Variants in ZDHHC14 observed in about 807,000 individuals in gnomAD.
ZDHHC14 encodes the protein palmitoyltransferase ZDHHC14.
ZDHHC14 carries 16 observed loss-of-function variants against 47.7 expected under a neutral mutation model. That is an observed-to-expected ratio of 0.34 (90% confidence interval 0.23 to 0.51). The LOEUF is 0.51. Among genes scored for constraint, ZDHHC14 ranks in the 20% least tolerant of loss-of-function variants. The pLI is 0.97. For synonymous variants in ZDHHC14, 293 were observed against 278.9 expected, an observed-to-expected ratio of 1.05 and a Z score of -0.50; for missense variants, 515 against 662.5, an observed-to-expected ratio of 0.78 and a Z score of 2.44.
chr6:157,647,268 T>C lies in ZDHHC14; in HGVS notation c.865T>C (p.Ser289Pro), dbSNP rs746400588. 2 of 1,613,456 alleles carry C rather than the reference T, an allele frequency of 1.2e-6. No individual in the cohort carries two copies. Among genetic ancestry groups the C allele is most frequent in the Non-Finnish European group, 1.7e-6 (2 of 1,179,432 alleles). Residue 289 changes from serine to proline, a missense_variant, in exon 7 of 9, where the codon TCC (serine) becomes CCC (proline). Physicochemically the swap from Ser to Pro is moderately conservative, Grantham distance 74 (BLOSUM62 -1). This residue lies in a region of ZDHHC14 where 229 missense variants were observed against 351.5 expected (regional missense o/e 0.65). Transcript: ENST00000359775. ...NQTTNEDIKG[S>P]WSNKRGKENY... ...TTTCCTTTTCTTTCAGATTAAAGGA[T>C]CCTGGTCAAATAAAAGAGGTAAAGA...
At chr6:157,497,799 T>C (rs1223323105) in intron 1 of ZDHHC14, among the ~76,000 whole-genome samples, 1 of 152,228 alleles carries the variant, frequency 6.6e-6, no homozygotes, top group Non-Finnish European at 1.5e-5. Context: ...TGCCCAATCA[T>C]ACTACTAAAG....
At chr6:157,639,347 C>G (rs1777136870) in intron 5 of ZDHHC14, among the ~76,000 whole-genome samples, 1 of 152,154 alleles carries the variant, frequency 6.6e-6, no homozygotes, top group Non-Finnish European at 1.5e-5. Flanking sequence ...CTCTTTTGCC[C>G]AGGCTGGAAT....
chr6:157,593,999 G>T (rs966519368), intron 3 of ZDHHC14, among the ~76,000 whole-genome samples: 1 of 152,182 alleles, frequency 6.6e-6, no homozygotes, highest in Non-Finnish European at 1.5e-5. Context: ...GTGACCAGGG[G>T]TATTCCTGGG....
At chr6:157,626,227 G>A (rs1420319085) in intron 3 of ZDHHC14, among the ~76,000 whole-genome samples, 1 of 152,130 alleles carries the variant, frequency 6.6e-6, no homozygotes, top group Non-Finnish European at 1.5e-5. Flanking sequence ...CCCACCGCAT[G>A]TGGGATTGAG....
intron 3 of ZDHHC14, among the ~76,000 whole-genome samples, chr6:157,597,706 C>G (rs1253788771): frequency 1.3e-5 from 2 of 152,226 alleles, no homozygotes; most frequent in African/African-American, 4.8e-5. Flanking sequence ...ACCTGAGATG[C>G]CACATCTGGA....
At position 157,673,384 on chromosome 6, in the gene ZDHHC14, A is replaced by T. The variant is rs534328064; in HGVS notation, c.*262A>T. 1.8e-4 allele frequency: 96 copies of T among 525,822 alleles called. No individual in the cohort carries two copies. The South Asian group carries it at 2.8e-3, about 15-fold the overall frequency. 32.6% of individuals were successfully genotyped at this position (525,822 alleles called of 1,614,324 possible). A position where few individuals can be genotyped will look rare whatever the true frequency, so the allele number is the denominator to read the frequency against. ...GAGAAGTGGCTGCTTTCTTTTGGTGACCCTCCAGGGGTGGAATCGGAGTGT... is the reference window on the plus strand; with the variant it reads ...GAGAAGTGGCTGCTTTCTTTTGGTGTCCCTCCAGGGGTGGAATCGGAGTGT... On this transcript the variant is annotated 3_prime_UTR_variant, in exon 9 of 9. Transcript: ENST00000359775. This position sits in a 1 kb window ranked among gnomAD's most constrained non-coding sequence, Gnocchi z 5.4.
At chr6:157,425,841 G>A (rs1778207097) in intron 1 of ZDHHC14, among the ~76,000 whole-genome samples, 2 of 152,150 alleles carry the variant, frequency 1.3e-5, no homozygotes, top group Admixed American at 1.3e-4. Context: ...AGAACGTGCT[G>A]TGCCCCTGCC....
rs576745524 is a variant in ZDHHC14 at position 157,423,820 on chromosome 6, C to T, written c.245+41554C>T. Among the ~76,000 whole-genome samples the T allele has an allele frequency of 2.6e-5, 4 of 152,302 alleles. No individual in the cohort carries two copies. The South Asian group carries it at 6.2e-4, about 24-fold the overall frequency. On this transcript the variant is annotated intron_variant, in intron 1 of 8. Transcript: ENST00000359775. The stretch of plus-strand genomic sequence containing the variant: ...CATCTGTGGATTTGGAGGATGGCAT[C>T]GTGTAGGAGCTCATTGGAAAAGCAG...
chr6:157,465,409 G>T (rs1476229431), intron 1 of ZDHHC14, among the ~76,000 whole-genome samples: 2 of 152,048 alleles, frequency 1.3e-5, no homozygotes, highest in Non-Finnish European at 2.9e-5. Flanking sequence ...GGGACAGAAA[G>T]TCCCTACTGA....
At chr6:157,452,259 T>TA (rs200858164) in intron 1 of ZDHHC14, among the ~76,000 whole-genome samples, 1 of 151,326 alleles carries the variant, frequency 6.6e-6, no homozygotes, top group African/African-American at 2.4e-5. Context: ...TTTTTTTTTT[T>TA]ATAACTAGAC....
intron 1 of ZDHHC14, among the ~76,000 whole-genome samples, chr6:157,484,525 C>T (rs1779731182): frequency 6.7e-6 from 1 of 148,838 alleles, no homozygotes; most frequent in Admixed American, 6.7e-5. Flanking sequence ...ATACGTACCC[C>T]TGAACCTTAA....
rs566850470 is a variant in ZDHHC14 at position 157,556,570 on chromosome 6, G to A, written c.406+13825G>A. On this transcript the variant is annotated intron_variant, in intron 2 of 8. Transcript: ENST00000359775. ...AGCTCCTGTCGCCAGCAGGCGGAAC[G>A]GGTCTCGAATCCAGGCAGTCAAACA... 7.2e-5 allele frequency among the ~76,000 whole-genome samples: 11 copies of A among 152,334 alleles called. No individual in the cohort carries two copies. In the South Asian group the frequency reaches 1.2e-3, roughly 17 times the overall value.
intron 1 of ZDHHC14, among the ~76,000 whole-genome samples, chr6:157,475,863 A>C (rs1044267994): frequency 2.0e-5 from 3 of 152,206 alleles, no homozygotes; most frequent in African/African-American, 7.2e-5. Context: ...TGAGTGGGTC[A>C]AAAAGAAATT....
At chr6:157,413,765 T>C (rs1777917600) in intron 1 of ZDHHC14, among the ~76,000 whole-genome samples, 1 of 152,096 alleles carries the variant, frequency 6.6e-6, no homozygotes, top group Non-Finnish European at 1.5e-5. Flanking sequence ...CTTTTCTTTC[T>C]CTGGAAAATG....
chr6:157,482,657 G>A (rs374219170), intron 1 of ZDHHC14, among the ~76,000 whole-genome samples: 183 of 152,206 alleles, frequency 1.2e-3, no homozygotes, highest in African/African-American at 4.2e-3. Context: ...AGCTTAATTG[G>A]TCTGAATTGT....
At chr6:157,549,024 G>C (rs559297272) in intron 2 of ZDHHC14, among the ~76,000 whole-genome samples, 101 of 152,326 alleles carry the variant, frequency 6.6e-4, no homozygotes, top group South Asian at 4.4e-3. Context: ...TGCTTGGGAG[G>C]AAAGGGGTTT....
intron 1 of ZDHHC14, among the ~76,000 whole-genome samples, chr6:157,433,763 G>A (rs900893182): frequency 6.6e-6 from 1 of 152,200 alleles, no homozygotes; most frequent in East Asian, 1.9e-4. Flanking sequence ...GGCCTTTATC[G>A]GCCTTGACGA....
At chr6:157,642,727 C>T (rs985967059) in intron 5 of ZDHHC14, among the ~76,000 whole-genome samples, 16 of 152,200 alleles carry the variant, frequency 1.1e-4, no homozygotes, top group Middle Eastern at 3.2e-3. Flanking sequence ...TAAAAAAAGA[C>T]GGTAAATGGG....
intron 8 of ZDHHC14, among the ~76,000 whole-genome samples, chr6:157,662,819 A>G (rs534990428): frequency 2.0e-5 from 3 of 152,260 alleles, no homozygotes; most frequent in Non-Finnish European, 4.4e-5. Context: ...CAGGAACTAT[A>G]AAAAATTTTA....
Sources: allele counts gnomAD v4.1 joint callset (sites outside exome capture counted in the v4.1 genomes callset), GRCh38; gene constraint gnomAD v4.1.1; regional missense constraint gnomAD v4.1.1; non-coding constraint Gnocchi (gnomAD v3.1); transcripts MANE v1.5; gene names NCBI Gene and HGNC (gene_info 2026-07-23, HGNC 2026-07-21).